Variants in FSTL4 observed in about 807,000 individuals in gnomAD.
The protein encoded by FSTL4 is follistatin-related protein 4.
FSTL4 carries 28 observed loss-of-function variants against 78.2 expected under a neutral mutation model. That is an observed-to-expected ratio of 0.36 (90% CI 0.27 to 0.49). The LOEUF is 0.49. Among genes scored for constraint, FSTL4 ranks in the 20% least tolerant of loss-of-function variants. The pLI is 0.98. For missense variants in FSTL4, 922 were observed against 1,084.9 expected (o/e 0.85, Z 2.11); for synonymous variants, 422 against 440.5 (o/e 0.96, Z 0.53).
intron 3 of FSTL4, among the ~76,000 whole-genome samples, chr5:133,540,720 CAAAAAAAA>C (rs79162509): frequency 5.7e-5 from 4 of 70,264 alleles, no homozygotes; most frequent in East Asian, 4.3e-4. Flanking sequence ...TTAACATAGG[CAAAAAAAA>C]AAAAAAAAAA....
the FSTL4 span, among the ~76,000 whole-genome samples, chr5:133,740,571 G>A: frequency 6.6e-6 from 1 of 152,176 alleles, no homozygotes; most frequent in Non-Finnish European, 1.5e-5. Context: ...TCTTCTGACA[G>A]CTAATTTGAT....
At chr5:133,258,701 C>T (rs1020838724) in intron 6 of FSTL4, among the ~76,000 whole-genome samples, 1 of 152,164 alleles carries the variant, frequency 6.6e-6, no homozygotes, top group Non-Finnish European at 1.5e-5. Flanking sequence ...CTGACCCCAT[C>T]GGACTTGATG....
chr5:133,281,427 C>T (rs574945537), intron 6 of FSTL4, among the ~76,000 whole-genome samples: 8 of 152,300 alleles, frequency 5.3e-5, no homozygotes, highest in African/African-American at 1.7e-4. Context: ...CCTTTACACA[C>T]ATTTTCTCCT....
chr5:133,597,391 G>A (rs955461585), intron 2 of FSTL4, among the ~76,000 whole-genome samples: 2 of 152,184 alleles, frequency 1.3e-5, no homozygotes, highest in Non-Finnish European at 2.9e-5. Flanking sequence ...CCAACTCCCC[G>A]AAAAATAGAA....
At chr5:133,301,872 A>C (rs1189787740) in intron 6 of FSTL4, among the ~76,000 whole-genome samples, 2 of 152,140 alleles carry the variant, frequency 1.3e-5, no homozygotes, top group Non-Finnish European at 2.9e-5. Flanking sequence ...GCCATTACCA[A>C]GTACCCCCAA....
At chr5:133,599,997 T>G (rs1354423818) in intron 2 of FSTL4, among the ~76,000 whole-genome samples, 3 of 152,170 alleles carry the variant, frequency 2.0e-5, no homozygotes, top group African/African-American at 7.2e-5. Context: ...AATACAGAAT[T>G]CTATCAATAT....
chr5:133,759,062 A>T, the FSTL4 span, among the ~76,000 whole-genome samples: 3 of 152,234 alleles, frequency 2.0e-5, no homozygotes, highest in East Asian at 5.8e-4. Context: ...TCCAATTCAC[A>T]TTCAACGGGA....
chr5:133,815,504 G>A, the FSTL4 span, among the ~76,000 whole-genome samples: 1 of 152,148 alleles, frequency 6.6e-6, no homozygotes, highest in Non-Finnish European at 1.5e-5. Context: ...CAGAATGCTC[G>A]AAATACGACT....
In FSTL4 at chr5:133,312,763, C is replaced by T; in HGVS notation, c.618G>A (p.Lys206=). 6.2e-7 allele frequency: 1 copy of T among 1,614,156 alleles called. No homozygotes were observed. The highest frequency in any genetic ancestry group is 1.1e-5 in the South Asian group (1 of 91,078). The change falls in exon 6 of 16, where the codon AAG becomes AAA. Residue 206 remains lysine, a synonymous_variant. Transcript: ENST00000265342. ...CAAGTAAGTCTTCATCCAGGTCCTG[C>T]TTCTTCAGCACATGCTGTGGGGTGA... ...SSELAQHVLK[K]QDLDEDLLGC...
chr5:133,212,752 A>G (rs920457938), intron 13 of FSTL4, among the ~76,000 whole-genome samples: 1 of 152,228 alleles, frequency 6.6e-6, no homozygotes, highest in Admixed American at 6.5e-5. Flanking sequence ...AGATATCAGT[A>G]TACATATTCA....
At chr5:133,696,683 C>T in the FSTL4 span, among the ~76,000 whole-genome samples, 76 of 152,324 alleles carry the variant, frequency 5.0e-4, no homozygotes, top group African/African-American at 1.8e-3. Flanking sequence ...TAGACAGATT[C>T]CCCAGGTGGC....
chr5:133,270,736 A>T (rs564426808), intron 6 of FSTL4, among the ~76,000 whole-genome samples: 3 of 152,192 alleles, frequency 2.0e-5, no homozygotes, highest in Admixed American at 2.0e-4. Flanking sequence ...CAATGCGGGG[A>T]CTGGGATTTT....
chr5:133,468,501 G>A (rs1757757436), intron 3 of FSTL4, among the ~76,000 whole-genome samples: 3 of 152,240 alleles, frequency 2.0e-5, no homozygotes, highest in Admixed American at 6.5e-5. Context: ...TTCTTATGAA[G>A]GCCGACTCGA....
At chr5:133,723,971 G>T in the FSTL4 span, among the ~76,000 whole-genome samples, 1 of 152,200 alleles carries the variant, frequency 6.6e-6, no homozygotes, top group Non-Finnish European at 1.5e-5. Flanking sequence ...TGCCAGGTGG[G>T]CATGTTGCAG....
At chr5:133,291,869 G>A (rs923342180) in intron 6 of FSTL4, among the ~76,000 whole-genome samples, 1 of 152,198 alleles carries the variant, frequency 6.6e-6, no homozygotes, top group Non-Finnish European at 1.5e-5. Context: ...TGCTTGGCTA[G>A]TTCAGTGGGA....
At chr5:133,670,248 A>G in the FSTL4 span, among the ~76,000 whole-genome samples, 8 of 152,266 alleles carry the variant, frequency 5.3e-5, no homozygotes, top group African/African-American at 1.9e-4. Context: ...TGGTAAAAGT[A>G]CTGCCAGGCT....
At chr5:133,636,191 A>C in the FSTL4 span, among the ~76,000 whole-genome samples, 2 of 152,242 alleles carry the variant, frequency 1.3e-5, no homozygotes, top group African/African-American at 4.8e-5. Flanking sequence ...CAAGAATCAA[A>C]GACCCAGAGG....
chr5:133,294,129 C>T (rs779712722), intron 6 of FSTL4, among the ~76,000 whole-genome samples: 6 of 152,180 alleles, frequency 3.9e-5, no homozygotes, highest in Non-Finnish European at 7.3e-5. Context: ...GTTACACCCT[C>T]CTCTCAGTTT....
chr5:133,617,012 C>A (rs1172107940), upstream of FSTL4, among the ~76,000 whole-genome samples: 1 of 152,104 alleles, frequency 6.6e-6, no homozygotes, highest in Non-Finnish European at 1.5e-5. Flanking sequence ...ATCAAGAAGT[C>A]CTGTCTGGCT....
Sources: gnomAD v4.1 joint callset for allele counts (sites outside exome capture counted in the v4.1 genomes callset) on GRCh38, gnomAD v4.1.1 for gene constraint, MANE v1.5 for transcripts, NCBI Gene and HGNC (gene_info 2026-07-23, HGNC 2026-07-21) for gene names.